Variants in PARP1 observed in about 807,000 individuals in gnomAD.
The protein encoded by PARP1 is poly [ADP-ribose] polymerase 1.
Under a neutral mutation model 118.7 loss-of-function variants are expected in PARP1, and 44 were observed. The ratio of observed to expected loss-of-function variants is 0.37; its 90% CI spans 0.29 to 0.48. The LOEUF (loss-of-function observed/expected upper bound fraction) is 0.48. PARP1 is among the 20% of genes least tolerant of loss of function. PARP1 has a pLI of 0.99. For synonymous variants in PARP1, 492 were observed against 483.2 expected (o/e 1.02, Z -0.24); for missense variants, 1,100 against 1,272.4 (o/e 0.86, Z 2.06).
chr1:226,362,113 A>C (rs991037215), intron 21 of PARP1, 30 bp from the exon 22 acceptor site: 2 of 1,228,818 alleles, frequency 1.6e-6, no homozygotes, highest in African/African-American at 1.5e-5. Context: ...AGTGACATGA[A>C]CTGTGAGTAC....
chr1:226,402,443 C>A (rs2102747372), intron 1 of PARP1, 64 bp from the exon 2 acceptor site: 2 of 1,467,354 alleles, frequency 1.4e-6, no homozygotes, highest in Middle Eastern at 1.7e-4. Flanking sequence ...ACCCACTAGA[C>A]CTTGACCTTG....
At chr1:226,361,835 A>T in intron 22 of PARP1, 134 bp downstream of exon 22, 1 of 720,378 alleles carries the variant, frequency 1.4e-6, no homozygotes, top group South Asian at 1.5e-5. Context: ...CACAGAAGGG[A>T]AACAGTCACC....
intron 14 of PARP1, among the ~76,000 whole-genome samples, chr1:226,371,981 T>C (rs548985514): frequency 2.4e-4 from 36 of 152,146 alleles, no homozygotes; most frequent in Non-Finnish European, 4.4e-4. Context: ...AGCTGCCCAG[T>C]TGAGAGAGAA....
chr1:226,367,803 C>G (rs1664301698), intron 16 of PARP1, among the ~76,000 whole-genome samples, 195 bp from the exon 17 acceptor site: 2 of 152,172 alleles, frequency 1.3e-5, no homozygotes, highest in Admixed American at 6.5e-5. Context: ...TTAACAAGGC[C>G]TTGTGGCCTG....
intron 2 of PARP1, among the ~76,000 whole-genome samples, chr1:226,400,787 A>G (rs1665020621): frequency 7.2e-5 from 11 of 152,234 alleles, no homozygotes; most frequent in Admixed American, 7.2e-4. Context: ...CCAGCGAGCT[A>G]AAACCAATGA....
At chr1:226,392,585 C>G (rs939903944) in intron 2 of PARP1, 16 of 550,864 alleles carry the variant, frequency 2.9e-5, no homozygotes, top group Non-Finnish European at 5.2e-5. Flanking sequence ...TCCATCTCCT[C>G]CCCTTTCTCT....
chr1:226,374,610 A>G (rs1664454542), intron 13 of PARP1, among the ~76,000 whole-genome samples: 1 of 152,192 alleles, frequency 6.6e-6, no homozygotes, highest in South Asian at 2.1e-4. Flanking sequence ...TTGCCACTGC[A>G]GCGTCTGCAT....
chr1:226,368,183 T>C lies in PARP1; in HGVS notation c.2277+16A>G, dbSNP rs1363894244. 1.2e-6 allele frequency: 2 copies of C among 1,614,124 alleles called. No individual in the cohort carries two copies. Among genetic ancestry groups the C allele is most frequent in the African/African-American group, 1.3e-5 (1 of 75,058 alleles). On this transcript the variant is annotated intron_variant, in intron 16 of 22. Coordinates refer to ENST00000366794, the MANE Select transcript of PARP1 (RefSeq NM_001618.4). ...AGCCCAGCAGACCTGCAGTCCCTTC[T>C]GAACCCTTGCGCTACCTGCACACTG...
At chr1:226,397,813 T>G (rs369331628) in intron 2 of PARP1, among the ~76,000 whole-genome samples, 1 of 152,056 alleles carries the variant, frequency 6.6e-6, no homozygotes, top group African/African-American at 2.4e-5. Context: ...GGCAAAAGGA[T>G]ACGTAGATCA....
intron 5 of PARP1, 44 bp from the exon 6 acceptor site, chr1:226,386,486 G>T: frequency 7.9e-7 from 1 of 1,267,266 alleles, no homozygotes; most frequent in South Asian, 1.2e-5. Context: ...TCTTTTCAAA[G>T]GAAGAATCCA....
intron 4 of PARP1, among the ~76,000 whole-genome samples, chr1:226,390,035 G>A (rs746419974): frequency 2.6e-5 from 4 of 152,110 alleles, no homozygotes; most frequent in Non-Finnish European, 4.4e-5. Flanking sequence ...GCATTGTTCC[G>A]AATAGTGATC....
chr1:226,401,338 G>A (rs1212343397), intron 2 of PARP1, among the ~76,000 whole-genome samples: 1 of 152,366 alleles, frequency 6.6e-6, no homozygotes, highest in East Asian at 1.9e-4. Context: ...TGCTCCTGCA[G>A]AGCAGGGCTA....
rs779934451 is a variant in PARP1 at position 226,361,971 on chromosome 1, G to A, written c.2961C>T (p.Asn987=). Residue 987 remains asparagine, a splice_region_variant and synonymous_variant, in exon 22 of 23, where the codon AAC becomes AAT. Transcript: ENST00000366794. ...ACAGCATACTCAAGAAAGGATACTCGTTATATAGTAGAGAGGTGTCATTCA... is the reference window on the plus strand; with the variant it reads ...ACAGCATACTCAAGAAAGGATACTCATTATATAGTAGAGAGGTGTCATTCA... ...SGVNDTSLLY[N]EYIVYDIAQV... is the part of the protein sequence containing the mutation. The A allele has an allele frequency of 5.2e-5, 81 of 1,547,602 alleles. No homozygotes were observed. The highest frequency in any genetic ancestry group is 6.3e-5 in the Non-Finnish European group (71 of 1,119,350).
chr1:226,362,182 TTC>T, intron 21 of PARP1, 99 bp from the exon 22 acceptor site: 1 of 717,844 alleles, frequency 1.4e-6, no homozygotes. Flanking sequence ...CATGTGGTCT[TTC>T]TTTTTTTTTT....
chr1:226,363,030 A>T, intron 21 of PARP1, 69 bp downstream of exon 21: 1 of 1,092,718 alleles, frequency 9.2e-7, no homozygotes. Context: ...TTCTCAGGAC[A>T]GCAAGCCCCC....
At chr1:226,395,902 C>A (rs561336077) in intron 2 of PARP1, among the ~76,000 whole-genome samples, 1 of 152,060 alleles carries the variant, frequency 6.6e-6, no homozygotes, top group Non-Finnish European at 1.5e-5. Context: ...GAAGCAACAG[C>A]GGTCATGAGG....
rs989280472 is a variant in PARP1 at position 226,367,419 on chromosome 1, T to C, written c.2406+61A>G. ...AGGAGATCCTAACACACATGGAAGT[T>C]TGGGACCGCTGCTCTCAGGATGAGA... On this transcript the variant is annotated intron_variant, in intron 17 of 22. Transcript: ENST00000366794. 3.8e-6 allele frequency: 6 copies of C among 1,596,344 alleles called. No individual in the cohort carries two copies. In the Admixed American group the frequency reaches 1.0e-4, roughly 27 times the overall value.
chr1:226,380,710 G>A (rs748742221), intron 9 of PARP1, among the ~76,000 whole-genome samples: 13 of 152,176 alleles, frequency 8.5e-5, no homozygotes, highest in Non-Finnish European at 1.9e-4. Context: ...TACTGACTGA[G>A]CATCTAATCC....
chr1:226,406,600 C>T (rs2048426), intron 1 of PARP1, among the ~76,000 whole-genome samples: 67,964 of 152,034 alleles, frequency 0.45, 16,629 homozygotes, highest in East Asian at 0.81. Flanking sequence ...CTTACGGTAA[C>T]GTTTGTTTAC....
Sources: gnomAD v4.1 joint callset for allele counts (sites outside exome capture counted in the v4.1 genomes callset) on GRCh38, gnomAD v4.1.1 for gene constraint, MANE v1.5 for transcripts, NCBI Gene and HGNC (gene_info 2026-07-23, HGNC 2026-07-21) for gene names.